Variants in KCNS3 observed in about 807,000 individuals in gnomAD.
KCNS3 encodes potassium voltage-gated channel modifier subfamily S member 3.
A neutral mutation model predicts 31.0 loss-of-function variants in KCNS3; 13 were observed. The observed-to-expected ratio is 0.42, with a 90% confidence interval of 0.27 to 0.67. KCNS3 has a LOEUF of 0.67. KCNS3 is among the 30% of genes least tolerant of loss of function. The pLI is 0.25. For missense variants in KCNS3, 545 were observed against 622.4 expected, an observed-to-expected ratio of 0.88 and a Z score of 1.32; for synonymous variants, 238 against 241.5, an observed-to-expected ratio of 0.99 and a Z score of 0.13.
At chr2:17,898,980 C>G (rs569062295) in intron 1 of KCNS3, among the ~76,000 whole-genome samples, 1 of 152,280 alleles carries the variant, frequency 6.6e-6, no homozygotes, top group South Asian at 2.1e-4. Context: ...GTAATCCCAG[C>G]ACTTTGGGAG....
chr2:17,896,989 C>G (rs1662044140), intron 1 of KCNS3, among the ~76,000 whole-genome samples: 1 of 151,946 alleles, frequency 6.6e-6, no homozygotes, highest in Non-Finnish European at 1.5e-5. Context: ...GGACCAGTTA[C>G]CCAGGTAGTG....
At chr2:17,921,235 A>G (rs969881199) in intron 2 of KCNS3, among the ~76,000 whole-genome samples, 5 of 152,216 alleles carry the variant, frequency 3.3e-5, no homozygotes, top group Non-Finnish European at 7.3e-5. Context: ...ACAAAAATAA[A>G]ATAATACATT....
chr2:17,931,275 T>A lies in KCNS3; in HGVS notation c.267T>A (p.His89Gln), dbSNP rs749074074. The A allele has an allele frequency of 5.6e-6, 9 of 1,614,024 alleles. No homozygotes were observed. The highest frequency in any genetic ancestry group is 1.6e-4 in the Middle Eastern group (1 of 6,084). ...VLNFYYTGKL[H>Q]VMEELCVFSF... Reference sequence around the variant, plus strand: ...ATTTTTATTACACGGGGAAGCTGCATGTCATGGAGGAGCTGTGCGTATTCT... The same window carrying A: ...ATTTTTATTACACGGGGAAGCTGCAAGTCATGGAGGAGCTGTGCGTATTCT... The change falls in exon 3 of 3, where the codon CAT becomes CAA. Residue 89 changes from histidine (H) to glutamine (Q), a missense_variant. By Grantham distance (24) the His-to-Gln change is conservative (BLOSUM62 0). Coordinates refer to ENST00000304101, the MANE Select transcript of KCNS3 (RefSeq NM_002252.5). This position sits in a 1 kb window ranked among gnomAD's most constrained non-coding sequence, Gnocchi z 5.4.
At chr2:17,921,957 A>ATATATATATATATATATG (rs1253849162) in intron 2 of KCNS3, among the ~76,000 whole-genome samples, 1 of 137,906 alleles carries the variant, frequency 7.3e-6, no homozygotes, top group Non-Finnish European at 1.6e-5. Context: ...ATATATATAT[A>ATATATATATATATATATG]TAAATACATA....
At chr2:17,921,958 T>TATATATAA (rs1284771923) in intron 2 of KCNS3, among the ~76,000 whole-genome samples, 24 of 133,840 alleles carry the variant, frequency 1.8e-4, no homozygotes, top group African/African-American at 4.8e-4. Flanking sequence ...TATATATATA[T>TATATATAA]AAATACATAT....
At chr2:17,880,399 A>T (rs1466830525) in intron 1 of KCNS3, among the ~76,000 whole-genome samples, 1 of 152,192 alleles carries the variant, frequency 6.6e-6, no homozygotes, top group Non-Finnish European at 1.5e-5. Context: ...TTCTGCACCC[A>T]GTCTAGTCTG....
intron 2 of KCNS3, 109 bp downstream of exon 2, chr2:17,917,980 A>T (rs944090010): frequency 5.9e-5 from 9 of 152,688 alleles, no homozygotes; most frequent in African/African-American, 2.2e-4. Flanking sequence ...GACACTTCTG[A>T]TGGTCAAATC....
chr2:17,891,116 A>G (rs1258044074), intron 1 of KCNS3, among the ~76,000 whole-genome samples: 1 of 152,060 alleles, frequency 6.6e-6, no homozygotes, highest in Admixed American at 6.5e-5. Flanking sequence ...TTTGGTGCAT[A>G]TATGTTTAGG....
intron 1 of KCNS3, among the ~76,000 whole-genome samples, chr2:17,880,771 C>A: frequency 6.6e-6 from 1 of 152,278 alleles, no homozygotes; most frequent in Non-Finnish European, 1.5e-5. Context: ...AAAGCACCAA[C>A]TGAGTATCAT....
At chr2:17,887,541 A>G (rs1331007164) in intron 1 of KCNS3, among the ~76,000 whole-genome samples, 1 of 141,344 alleles carries the variant, frequency 7.1e-6, no homozygotes, top group African/African-American at 2.6e-5. Flanking sequence ...CTCTGTATCT[A>G]TATATATATC....
chr2:17,905,092 G>C (rs141706953), intron 1 of KCNS3, among the ~76,000 whole-genome samples: 4,081 of 152,286 alleles, frequency 0.027, 140 homozygotes, highest in African/African-American at 0.079. Context: ...CTATCCATGA[G>C]CATGGAATGT....
At chr2:17,883,089 A>G (rs1486474834) in intron 1 of KCNS3, among the ~76,000 whole-genome samples, 1 of 152,202 alleles carries the variant, frequency 6.6e-6, no homozygotes, top group African/African-American at 2.4e-5. Context: ...AAGGCATAAG[A>G]TCTGCTTTTA....
chr2:17,903,054 T>C (rs1360894572), intron 1 of KCNS3, among the ~76,000 whole-genome samples: 2 of 152,246 alleles, frequency 1.3e-5, no homozygotes, highest in African/African-American at 2.4e-5. Flanking sequence ...TCTTCTGTGG[T>C]GACCACCATT....
chr2:17,931,593 G>C lies in KCNS3; in HGVS notation c.585G>C (p.Val195=). The part of the protein sequence containing the change: ...KLIAISSLSV[V]LASIVAMCVH... ...TCGCTATCTCCTCCTTGAGCGTGGT[G>C]CTGGCCTCCATCGTGGCCATGTGCG... Residue 195 remains valine (V), a synonymous_variant, in exon 3 of 3, where the codon GTG becomes GTC. Transcript: ENST00000304101. This position sits in a 1 kb window ranked among gnomAD's most constrained non-coding sequence, Gnocchi z 5.4. The C allele has an allele frequency of 1.2e-6, 2 of 1,614,194 alleles. No individual in the cohort carries two copies. Among genetic ancestry groups the C allele is most frequent in the Non-Finnish European group, 1.7e-6 (2 of 1,180,034 alleles).
rs1394847148 is a variant in KCNS3 at position 17,931,644 on chromosome 2, T to G, written c.636T>G (p.Asn212Lys). The G allele has an allele frequency of 1.2e-6, 2 of 1,613,998 alleles. No individual in the cohort carries two copies. The highest frequency in any genetic ancestry group is 1.3e-5 in the African/African-American group (1 of 74,914). The change falls in exon 3 of 3, where the codon AAT becomes AAG. Residue 212 changes from asparagine to lysine, a missense_variant. By Grantham distance (94) the Asn-to-Lys change is moderately conservative. Transcript: ENST00000304101. The surrounding 1 kb of genome is among the most constrained non-coding windows in gnomAD (Gnocchi z 5.4). Reference sequence around the variant, plus strand: ...TTCACAGCATGTCGGAGTTCCAGAATGAGGATGGAGAAGTGGATGATCCGG... The same window carrying G: ...TTCACAGCATGTCGGAGTTCCAGAAGGAGGATGGAGAAGTGGATGATCCGG... ...MCVHSMSEFQ[N>K]EDGEVDDPVL...
chr2:17,882,125 C>CTG (rs1674658521), intron 1 of KCNS3, among the ~76,000 whole-genome samples: 1 of 152,186 alleles, frequency 6.6e-6, no homozygotes, highest in African/African-American at 2.4e-5. Context: ...GTGCCCAGTA[C>CTG]TACAGGCAAT....
chr2:17,913,492 C>A (rs763854687), intron 1 of KCNS3, among the ~76,000 whole-genome samples: 1 of 152,250 alleles, frequency 6.6e-6, no homozygotes, highest in African/African-American at 2.4e-5. Flanking sequence ...ACTCACTAAC[C>A]TTTAGACTCA....
intron 1 of KCNS3, among the ~76,000 whole-genome samples, chr2:17,907,770 G>T (rs1662371324): frequency 6.6e-6 from 1 of 152,274 alleles, no homozygotes; most frequent in African/African-American, 2.4e-5. Flanking sequence ...TTTTCCTTAA[G>T]AATGTTGAAT....
chr2:17,913,766 A>G (rs1293996705), intron 1 of KCNS3, among the ~76,000 whole-genome samples: 1 of 152,010 alleles, frequency 6.6e-6, no homozygotes, highest in East Asian at 1.9e-4. Context: ...TTAAGTGGGG[A>G]TGATTTTGAT....
Sources: allele counts gnomAD v4.1 joint callset (sites outside exome capture counted in the v4.1 genomes callset), GRCh38; gene constraint gnomAD v4.1.1; non-coding constraint Gnocchi (gnomAD v3.1); transcripts MANE v1.5; gene names NCBI Gene and HGNC (gene_info 2026-07-23, HGNC 2026-07-21).